FAM110B: variants seen among roughly 807,000 people sequenced by gnomAD.
FAM110B encodes the protein protein FAM110B.
FAM110B carries 6 observed loss-of-function variants against 20.4 expected under a neutral mutation model. The ratio of observed to expected loss-of-function variants is 0.29; its 90% CI spans 0.16 to 0.58. The LOEUF (loss-of-function observed/expected upper bound fraction) is 0.58, where lower values mean the gene tolerates loss of function less well. Ranked by LOEUF, FAM110B falls within the 20% of genes least tolerant of loss-of-function variation. The probability of loss-of-function intolerance (pLI) is 0.90; values close to 1 mark genes in which losing one functional copy is unlikely to be tolerated. For missense variants in FAM110B, 434 were observed against 498.2 expected (o/e 0.87, Z 1.23); for synonymous variants, 226 against 214.1 (o/e 1.06, Z -0.49).
chr8:58,084,146 T>C (rs73682135), intron 3 of FAM110B, among the ~76,000 whole-genome samples: 36 of 152,296 alleles, frequency 2.4e-4, no homozygotes, highest in African/African-American at 8.7e-4. Context: ...TGAATTGTGC[T>C]TATGACCAAG....
chr8:57,995,085 G>C (rs1804154424), intron 1 of FAM110B, among the ~76,000 whole-genome samples: 1 of 152,246 alleles, frequency 6.6e-6, no homozygotes, highest in East Asian at 1.9e-4. Flanking sequence ...GCTCGGCTTG[G>C]CTGCACGTCC....
In FAM110B at chr8:58,019,959, G is replaced by A. The variant is rs1032670031; in HGVS notation, c.-511-11647G>A. 3.3e-5 allele frequency among the ~76,000 whole-genome samples: 5 copies of A among 151,028 alleles called. No individual in the cohort carries two copies. The South Asian group carries it at 8.4e-4, about 25-fold the overall frequency. The stretch of plus-strand genomic sequence containing the variant: ...CTTTTCTCCTCTCCTCTAATTGCCC[G>A]TATATTTTATTGTTTGGTATTATCT... On this transcript the variant is annotated intron_variant, in intron 1 of 3. Transcript: ENST00000519262.
At chr8:58,002,410 A>G (rs538042465) in intron 1 of FAM110B, among the ~76,000 whole-genome samples, 33 of 152,350 alleles carry the variant, frequency 2.2e-4, no homozygotes, top group Non-Finnish European at 3.2e-4. Context: ...CTGCTTCTCT[A>G]CAAAGTCTTT....
intron 3 of FAM110B, among the ~76,000 whole-genome samples, chr8:58,132,732 G>T (rs1479659201): frequency 6.6e-6 from 1 of 152,180 alleles, no homozygotes; most frequent in Non-Finnish European, 1.5e-5. Flanking sequence ...AATTGAAGGT[G>T]CCTGTGCCCA....
intron 2 of FAM110B, among the ~76,000 whole-genome samples, chr8:58,033,207 C>T (rs992737303): frequency 2.0e-5 from 3 of 152,150 alleles, no homozygotes; most frequent in African/African-American, 7.2e-5. Flanking sequence ...CCAGCTGTGT[C>T]CATGCTGCTG....
intron 3 of FAM110B, among the ~76,000 whole-genome samples, chr8:58,081,948 T>C (rs755393885): frequency 1.3e-5 from 2 of 152,246 alleles, no homozygotes; most frequent in Non-Finnish European, 2.9e-5. Context: ...AGGGTTTATG[T>C]GTTATCTCTT....
intron 2 of FAM110B, among the ~76,000 whole-genome samples, chr8:58,043,692 A>G (rs901141711): frequency 1.3e-5 from 2 of 152,160 alleles, no homozygotes; most frequent in Non-Finnish European, 2.9e-5. Context: ...TTTACCTAAT[A>G]GAACCAATAC....
intron 2 of FAM110B, among the ~76,000 whole-genome samples, chr8:58,062,652 A>G (rs1163734609): frequency 6.6e-6 from 1 of 152,210 alleles, no homozygotes; most frequent in Non-Finnish European, 1.5e-5. Context: ...GCTTTACCTT[A>G]TTTTAAACTC....
intron 2 of FAM110B, chr8:58,070,226 C>T (rs1249351180): frequency 6.6e-6 from 1 of 152,168 alleles, no homozygotes; most frequent in Non-Finnish European, 1.5e-5. Flanking sequence ...GACATAGATA[C>T]AGAGGTGCTG....
intron 1 of FAM110B, among the ~76,000 whole-genome samples, chr8:58,015,770 A>G (rs1260320085): frequency 6.7e-6 from 1 of 150,060 alleles, no homozygotes; most frequent in Non-Finnish European, 1.5e-5. Context: ...GCTTGAATCC[A>G]GGAGGTGGAG....
At chr8:58,136,341 T>G (rs1242410043) in intron 3 of FAM110B, among the ~76,000 whole-genome samples, 2 of 151,930 alleles carry the variant, frequency 1.3e-5, no homozygotes, top group African/African-American at 4.8e-5. Context: ...GTGACTGGAG[T>G]AGACTAGTCT....
At chr8:58,063,717 AT>A (rs1413541737) in intron 2 of FAM110B, among the ~76,000 whole-genome samples, 2 of 152,160 alleles carry the variant, frequency 1.3e-5, no homozygotes, top group African/African-American at 4.8e-5. Context: ...CTATATTTTC[AT>A]TTGGTAAATA....
rs1414912355 is a variant in FAM110B at position 58,106,674 on chromosome 8, AAGGAGTTCTC to A, written c.-325+31054_-325+31063del. On this transcript the variant is annotated intron_variant, in intron 3 of 3. Transcript: ENST00000519262. ...GATATCATCAAAAAGCTTTACATTA[AAGGAGTTCTC>A]AGAAAGCACAAAGGATAAAATGTTG... is the stretch of plus-strand genomic sequence containing the variant. 1.5e-4 allele frequency among the ~76,000 whole-genome samples: 23 copies of A among 152,320 alleles called. No homozygotes were observed. In the East Asian group the frequency reaches 3.5e-3, roughly 23 times the overall value.
intron 3 of FAM110B, among the ~76,000 whole-genome samples, chr8:58,125,549 A>G (rs1247856143): frequency 6.6e-6 from 1 of 152,182 alleles, no homozygotes; most frequent in East Asian, 1.9e-4. Flanking sequence ...ATGGAAAAAG[A>G]CTTTTTGTTC....
chr8:58,095,801 T>C (rs1034804580), intron 3 of FAM110B, among the ~76,000 whole-genome samples: 1 of 152,178 alleles, frequency 6.6e-6, no homozygotes, highest in African/African-American at 2.4e-5. Flanking sequence ...CCTTGTTGAT[T>C]TTCTGTCTCG....
intron 3 of FAM110B, among the ~76,000 whole-genome samples, chr8:58,129,916 C>T (rs756467297): frequency 3.9e-5 from 6 of 152,010 alleles, no homozygotes; most frequent in Non-Finnish European, 8.8e-5. Context: ...TAATATATTG[C>T]AATGATTTTT....
At chr8:58,043,086 C>G (rs532421617) in intron 2 of FAM110B, 6 of 152,326 alleles carry the variant, frequency 3.9e-5, no homozygotes, top group African/African-American at 1.4e-4. Context: ...AACACCTCAC[C>G]AGGGCAGGCT....
At chr8:58,076,352 G>A (rs894880915) in intron 3 of FAM110B, among the ~76,000 whole-genome samples, 82 of 152,182 alleles carry the variant, frequency 5.4e-4, no homozygotes, top group South Asian at 1.0e-3. Flanking sequence ...GATCTTTGCA[G>A]GCTGGCCCCT....
chr8:58,047,352 G>T (rs1209519644), intron 2 of FAM110B, among the ~76,000 whole-genome samples: 1 of 152,100 alleles, frequency 6.6e-6, no homozygotes, highest in African/African-American at 2.4e-5. Flanking sequence ...GTCTGTGTTG[G>T]GGGAGGATGT....
Sources: allele counts gnomAD v4.1 joint callset (sites outside exome capture counted in the v4.1 genomes callset), GRCh38; gene constraint gnomAD v4.1.1; transcripts MANE v1.5; gene names NCBI Gene and HGNC (gene_info 2026-07-23, HGNC 2026-07-21).